Variants in SLC7A4 observed in about 807,000 individuals in gnomAD.
SLC7A4 encodes the protein cationic amino acid transporter 4.
Under a neutral mutation model 37.8 loss-of-function variants are expected in SLC7A4, and 30 were observed. The ratio of observed to expected loss-of-function variants is 0.79; its 90% CI spans 0.59 to 1.08. SLC7A4 has a LOEUF of 1.08. SLC7A4 is among the 50% of genes least tolerant of loss of function. The pLI, the probability that SLC7A4 is intolerant of heterozygous loss-of-function variation, is 0.00. For synonymous variants in SLC7A4, 359 were observed against 376.5 expected, an observed-to-expected ratio of 0.95 and a Z score of 0.54; for missense variants, 839 against 843.2, an observed-to-expected ratio of 1.00 and a Z score of 0.06.
At position 21,031,654 on chromosome 22, in the gene SLC7A4, C is replaced by T. The variant is rs749037092; in HGVS notation, c.159G>A (p.Ser53=). ...TLLGVGGMVG[S]GLYVLTGAVA... is the part of the protein sequence containing the mutation. The stretch of plus-strand genomic sequence containing the variant: ...CGGCACCTGTGAGCACGTAGAGACC[C>T]GAGCCCACCATGCCACCCACGCCCA... Residue 53 remains serine, a synonymous_variant, in exon 2 of 5, where the codon TCG becomes TCA. Coordinates refer to ENST00000382932, the MANE Select transcript of SLC7A4 (RefSeq NM_004173.3). 1.1e-5 allele frequency: 17 copies of T among 1,612,770 alleles called. No individual in the cohort carries two copies. The highest frequency in any genetic ancestry group is 7.7e-5 in the South Asian group (7 of 91,026).
rs1428070035 is a variant in SLC7A4, at chr22:21,028,988, C to T, written c.*67G>A. 3.5e-5 allele frequency: 52 copies of T among 1,496,880 alleles called. No homozygotes were observed. Among genetic ancestry groups the T allele is most frequent in the African/African-American group, 2.2e-4 (16 of 72,390 alleles). 92.7% of individuals were successfully genotyped at this position (1,496,880 alleles called of 1,614,324 possible). The stretch of plus-strand genomic sequence containing the variant: ...GGCTGCCCACAACAGAAGGGGCTCT[C>T]GGCTTGTCTGGCCTCTCTGGCCTCC... On this transcript the variant is annotated 3_prime_UTR_variant, in exon 5 of 5. Coordinates refer to ENST00000382932, the MANE Select transcript of SLC7A4 (RefSeq NM_004173.3).
rs1372700304 is a variant in SLC7A4, at chr22:21,031,214, G to A, written c.599C>T (p.Ala200Val). The change falls in exon 2 of 5, where the codon GCC becomes GTC. Residue 200 changes from alanine (A) to valine (V), a missense_variant. Coordinates refer to ENST00000382932, the MANE Select transcript of SLC7A4 (RefSeq NM_004173.3). ...VSSWLNHTFS[A>V]ISLLVILFIV... is the part of the protein sequence containing the mutation. ...GAAGAGAATGACAAGCAGGCTGATG[G>A]CCGAGAAGGTGTGATTGAGCCAGGA... 6.2e-7 allele frequency: 1 copy of A among 1,613,846 alleles called. No homozygotes were observed. The highest frequency in any genetic ancestry group is 8.5e-7 in the Non-Finnish European group (1 of 1,179,916).
In SLC7A4 at chr22:21,031,359, A is replaced by C. The variant is rs747325826; in HGVS notation, c.454T>G (p.Phe152Val). Residue 152 changes from phenylalanine to valine, a missense_variant, in exon 2 of 5, where the codon TTC (phenylalanine) becomes GTC (valine). Transcript: ENST00000382932. ...DSMFSHSIRN[F>V]TETHVGSWQV... ...CAAGAACCCACGTGGGTCTCAGTGAAGTTGCGGATGCTGTGGCTGAACATA... is the reference window on the plus strand; with the variant it reads ...CAAGAACCCACGTGGGTCTCAGTGACGTTGCGGATGCTGTGGCTGAACATA... 1 of 1,611,478 alleles carries C rather than the reference A, an allele frequency of 6.2e-7. No homozygotes were observed. Among genetic ancestry groups the C allele is most frequent in the Non-Finnish European group, 8.5e-7 (1 of 1,179,188 alleles).
intron 2 of SLC7A4, 143 bp from the exon 3 acceptor site, chr22:21,030,494 A>C (rs1928850315): frequency 4.4e-6 from 4 of 901,918 alleles, no homozygotes; most frequent in South Asian, 3.6e-5. Flanking sequence ...TTTGTGTAGG[A>C]GTAATAGATT....
rs1194521242 is a variant in SLC7A4 at position 21,028,808 on chromosome 22, A to C, written c.*247T>G. The stretch of plus-strand genomic sequence containing the variant: ...CCCATCCACCCCACCACAACTGCCC[A>C]GGTAGCTGGAGCTGATCATAAACAA... On this transcript the variant is annotated 3_prime_UTR_variant, in exon 5 of 5. Transcript: ENST00000382932. The C allele has an allele frequency of 1.7e-5, 7 of 419,408 alleles. No individual in the cohort carries two copies. The Admixed American group carries it at 2.7e-4, about 16-fold the overall frequency. 26.0% of individuals were successfully genotyped at this position (419,408 alleles called of 1,614,324 possible).
At position 21,029,403 on chromosome 22, in the gene SLC7A4, G is replaced by T; in HGVS notation, c.1665C>A (p.Leu555=). 6.2e-7 allele frequency: 1 copy of T among 1,613,766 alleles called. No homozygotes were observed. The highest frequency in any genetic ancestry group is 8.5e-7 in the Non-Finnish European group (1 of 1,179,976). Reference sequence around the variant, plus strand: ...TAAGTTTCAGCATGAGGCAGATGTTGAGGACGATGCTCAGGGCTGGAATCA... The same window carrying T: ...TAAGTTTCAGCATGAGGCAGATGTTTAGGACGATGCTCAGGGCTGGAATCA... ...VPLIPALSIV[L]NICLMLKLSY... is the part of the protein sequence containing the mutation. The change falls in exon 4 of 5, where the codon CTC becomes CTA. Residue 555 remains leucine (L), a synonymous_variant. Transcript: ENST00000382932.
Position 21,029,696 on chromosome 22 carries a change from G to T in SLC7A4, c.1623+15C>A, listed in dbSNP as rs1601790813. ...CCTGGGCCGAGTGTGAGTGGGTGTTGGCTAGGGGAGGTACCTGAAATAAGT... is the reference window on the plus strand; with the variant it reads ...CCTGGGCCGAGTGTGAGTGGGTGTTTGCTAGGGGAGGTACCTGAAATAAGT... On this transcript the variant is annotated intron_variant, in intron 3 of 4. Coordinates refer to ENST00000382932, the MANE Select transcript of SLC7A4 (RefSeq NM_004173.3). 1 of 1,601,024 alleles carries T rather than the reference G, an allele frequency of 6.2e-7. No individual in the cohort carries two copies.
At chr22:21,030,440 G>A (rs879759681) in intron 2 of SLC7A4, 89 bp from the exon 3 acceptor site, 1 of 1,334,986 alleles carries the variant, frequency 7.5e-7, no homozygotes, top group Non-Finnish European at 1.0e-6. Context: ...GGCTCCTTGG[G>A]AACAAGGGCA....
In SLC7A4 at chr22:21,030,199, C is replaced by T. The variant is rs368299218; in HGVS notation, c.1135G>A (p.Ala379Thr). ...AGTLAFGLLT[A>T]FLALLLDLES... The stretch of plus-strand genomic sequence containing the variant: ...AGGTCCAGCAGCAGTGCCAGGAAGG[C>T]CGTGAGGAGCCCGAACGCCAGGGTG... Residue 379 changes from alanine to threonine, a missense_variant, in exon 3 of 5, where the codon GCC becomes ACC. Transcript: ENST00000382932. The T allele has an allele frequency of 6.2e-7, 1 of 1,613,762 alleles. No homozygotes were observed. Among genetic ancestry groups the T allele is most frequent in the South Asian group, 1.1e-5 (1 of 91,076 alleles).
In SLC7A4 at chr22:21,031,564, C is replaced by G; in HGVS notation, c.249G>C (p.Leu83=). The G allele has an allele frequency of 6.2e-7, 1 of 1,608,344 alleles. No homozygotes were observed. The highest frequency in any genetic ancestry group is 8.5e-7 in the Non-Finnish European group (1 of 1,178,200). The change falls in exon 2 of 5, where the codon CTG becomes CTC. Residue 83 remains leucine, a synonymous_variant. Transcript: ENST00000382932. ...ATTCTGCATAGCATAGGGCTGCCAG[C>G]AGGGAGGCCACAGCGGCCACACCGA... is the stretch of plus-strand genomic sequence containing the variant. ...LSFGVAAVAS[L]LAALCYAEFG...
Position 21,030,985 on chromosome 22 carries a change from A to G in SLC7A4, c.828T>C (p.Leu276=). 1 of 1,614,094 alleles carries G rather than the reference A, an allele frequency of 6.2e-7. No individual in the cohort carries two copies. Among genetic ancestry groups the G allele is most frequent in the Non-Finnish European group, 8.5e-7 (1 of 1,179,984 alleles). The change falls in exon 2 of 5, where the codon CTT becomes CTC. Residue 276 remains leucine, a synonymous_variant. Coordinates refer to ENST00000382932, the MANE Select transcript of SLC7A4 (RefSeq NM_004173.3). The part of the protein sequence containing the change: ...RSVPLAIAIS[L]AIAAGAYILV... Reference sequence around the variant, plus strand: ...GGATGTAGGCACCAGCTGCAATGGCAAGCGAGATGGCGATGGCCAGAGGCA... The same window carrying G: ...GGATGTAGGCACCAGCTGCAATGGCGAGCGAGATGGCGATGGCCAGAGGCA...
rs780458265 is a variant in SLC7A4 at position 21,030,356 on chromosome 22, A to C, written c.983-5T>G. 1 of 1,593,362 alleles carries C rather than the reference A, an allele frequency of 6.3e-7. No individual in the cohort carries two copies. Among genetic ancestry groups the C allele is most frequent in the East Asian group, 2.2e-5 (1 of 44,512 alleles). On this transcript the variant is annotated splice_polypyrimidine_tract_variant and splice_region_variant and intron_variant, in intron 2 of 4. Transcript: ENST00000382932. ...TGAGCAGGACGGTGTTCATGGCTGT[A>C]GCAGAGAGAGTGGGGAGGGTCAGCA...
chr22:21,031,318 C>T lies in SLC7A4; in HGVS notation c.495G>A (p.Leu165=). ...CAGCCAGGAAGTCCGGGTAGTGGCC[C>T]AGGAGGGGCACCTGCCAAGAACCCA... ...THVGSWQVPL[L]GHYPDFLAAG... Residue 165 remains leucine, a synonymous_variant, in exon 2 of 5, where the codon CTG becomes CTA. Transcript: ENST00000382932. The T allele has an allele frequency of 6.2e-7, 1 of 1,609,294 alleles. No individual in the cohort carries two copies. Among genetic ancestry groups the T allele is most frequent in the African/African-American group, 1.3e-5 (1 of 75,012 alleles).
rs1248117544 is a variant in SLC7A4 at position 21,029,428 on chromosome 22, A to G, written c.1640T>C (p.Leu547Pro). Reference protein sequence around the residue: ...EDLFQIPMVPLIPALSIVLNI... With the variant: ...EDLFQIPMVPPIPALSIVLNI... ...GAGGACGATGCTCAGGGCTGGAATC[A>G]GGGGAACCATGGGGATCTGAGGAGG... The change falls in exon 4 of 5, where the codon CTG (leucine) becomes CCG (proline). Residue 547 changes from leucine (L) to proline (P), a missense_variant. By Grantham distance (98) the Leu-to-Pro change is moderately conservative. Transcript: ENST00000382932. The G allele has an allele frequency of 6.2e-7, 1 of 1,613,104 alleles. No homozygotes were observed. Among genetic ancestry groups the G allele is most frequent in the African/African-American group, 1.3e-5 (1 of 74,908 alleles).
In SLC7A4 at chr22:21,031,597, G is replaced by C. The variant is rs1928887491; in HGVS notation, c.216C>G (p.Leu72=). ...VAKEVAGPAV[L]LSFGVAAVAS... is the part of the protein sequence containing the mutation. Reference sequence around the variant, plus strand: ...CCACAGCGGCCACACCGAAGGACAAGAGCACAGCAGGGCCAGCCACCTCCT... The same window carrying C: ...CCACAGCGGCCACACCGAAGGACAACAGCACAGCAGGGCCAGCCACCTCCT... The change falls in exon 2 of 5, where the codon CTC becomes CTG. Residue 72 remains leucine (L), a synonymous_variant. Coordinates refer to ENST00000382932, the MANE Select transcript of SLC7A4 (RefSeq NM_004173.3). The C allele has an allele frequency of 6.2e-7, 1 of 1,607,282 alleles. No homozygotes were observed. Among genetic ancestry groups the C allele is most frequent in the African/African-American group, 1.3e-5 (1 of 74,902 alleles).
intron 3 of SLC7A4, 94 bp from the exon 4 acceptor site, chr22:21,029,538 T>C (rs1177719989): frequency 2.5e-6 from 3 of 1,220,570 alleles, no homozygotes; most frequent in African/African-American, 3.0e-5. Flanking sequence ...AGAGCCTTTG[T>C]TCCTCACGGG....
At position 21,031,274 on chromosome 22, in the gene SLC7A4, G is replaced by C. The variant is rs1439132525; in HGVS notation, c.539C>G (p.Ala180Gly). ...GGCTCCACAGGAGACAAAGGCAGAG[G>C]CCAGGAGGATGATGCCAGCAGCCAG... ...DFLAAGIILL[A>G]SAFVSCGARV... The change falls in exon 2 of 5, where the codon GCC becomes GGC. Residue 180 changes from alanine (A) to glycine (G), a missense_variant. Physicochemically the swap from Ala to Gly is moderately conservative, Grantham distance 60 (BLOSUM62 0). Coordinates refer to ENST00000382932, the MANE Select transcript of SLC7A4 (RefSeq NM_004173.3). 1.9e-6 allele frequency: 3 copies of C among 1,612,132 alleles called. No individual in the cohort carries two copies. The South Asian group carries it at 3.3e-5, about 18-fold the overall frequency.
chr22:21,029,729 A>G lies in SLC7A4; in HGVS notation c.1605T>C (p.Tyr535=), dbSNP rs765738034. Reference sequence around the variant, plus strand: ...GAGGTACCTGAAATAAGTCTTCCCGATACTGTTGCTGGTGAGCCCCCAGGA... The same window carrying G: ...GAGGTACCTGAAATAAGTCTTCCCGGTACTGTTGCTGGTGAGCCCCCAGGA... The part of the protein sequence containing the change: ...LLVLGAHQQQ[Y]REDLFQIPMV... The change falls in exon 3 of 5, where the codon TAT becomes TAC. Residue 535 remains tyrosine (Y), a synonymous_variant. Transcript: ENST00000382932. 29 of 1,612,518 alleles carry G rather than the reference A, an allele frequency of 1.8e-5. No individual in the cohort carries two copies. The East Asian group carries it at 5.8e-4, about 32-fold the overall frequency.
chr22:21,031,865 G>C lies in SLC7A4; in HGVS notation c.-40-13C>G, dbSNP rs1774568297. On this transcript the variant is annotated splice_polypyrimidine_tract_variant and intron_variant, in intron 1 of 4. Coordinates refer to ENST00000382932, the MANE Select transcript of SLC7A4 (RefSeq NM_004173.3). Reference sequence around the variant, plus strand: ...CAGCTACTGGAACCTGCTAGGGCCAGAGGGGAATGACAGGATGCGTAGCCG... The same window carrying C: ...CAGCTACTGGAACCTGCTAGGGCCACAGGGGAATGACAGGATGCGTAGCCG... The C allele has an allele frequency of 1.4e-6, 2 of 1,446,858 alleles. No individual in the cohort carries two copies. Among genetic ancestry groups the C allele is most frequent in the Non-Finnish European group, 1.8e-6 (2 of 1,104,708 alleles). 89.6% of individuals were successfully genotyped at this position (1,446,858 alleles called of 1,614,324 possible).
Sources: gnomAD v4.1 joint callset for allele counts on GRCh38, gnomAD v4.1.1 for gene constraint, MANE v1.5 for transcripts, NCBI Gene and HGNC (gene_info 2026-07-23, HGNC 2026-07-21) for gene names.